SETDB1: variants seen among roughly 807,000 people sequenced by gnomAD.
SETDB1 encodes the protein histone-lysine N-methyltransferase SETDB1.
SETDB1 carries 31 observed loss-of-function variants against 137.4 expected under a neutral mutation model. The observed-to-expected ratio is 0.23, with a 90% CI of 0.17 to 0.30. The LOEUF (loss-of-function observed/expected upper bound fraction) is 0.30. Among genes scored for constraint, SETDB1 ranks in the 10% least tolerant of loss-of-function variants. SETDB1 has a pLI of 1.00. For missense variants in SETDB1, 1,113 were observed against 1,631.5 expected, an observed-to-expected ratio of 0.68 and a Z score of 5.47; for synonymous variants, 548 against 579.9, an observed-to-expected ratio of 0.95 and a Z score of 0.79.
chr1:150,941,640 C>A (rs1028634459), intron 5 of SETDB1, among the ~76,000 whole-genome samples: 1 of 152,118 alleles, frequency 6.6e-6, no homozygotes, highest in Non-Finnish European at 1.5e-5. Flanking sequence ...TGTTTCCATC[C>A]TCATGACTGC....
Position 150,933,045 on chromosome 1 carries a change from T to TTGAATGAA in SETDB1, c.412+2945_412+2952dup, listed in dbSNP as rs57070760. On this transcript the variant is annotated intron_variant, in intron 3 of 21. Transcript: ENST00000692827. Reference sequence around the variant, plus strand: ...TATACTTTGTATAATTTTAGTCTTTTTGAATGAATGAATGAATGAATGAAT... The same window carrying TTGAATGAA: ...TATACTTTGTATAATTTTAGTCTTTTTGAATGAATGAATGAATGAATGAATGAATGAAT... Among the ~76,000 whole-genome samples the TTGAATGAA allele has an allele frequency of 6.7e-4, 102 of 151,182 alleles. No individual in the cohort carries two copies. In the East Asian group the frequency reaches 7.0e-3, roughly 10 times the overall value.
chr1:150,952,028 G>T (rs1025347093), intron 14 of SETDB1, among the ~76,000 whole-genome samples: 7 of 151,942 alleles, frequency 4.6e-5, no homozygotes, highest in African/African-American at 1.7e-4. Flanking sequence ...GGTGCCTGCA[G>T]TCCCAACTAC....
chr1:150,936,712 A>G (rs963954850), intron 3 of SETDB1, among the ~76,000 whole-genome samples: 6 of 152,094 alleles, frequency 3.9e-5, no homozygotes, highest in Non-Finnish European at 7.4e-5. Flanking sequence ...TTTAGACAGT[A>G]TCTCACTCTG....
rs907515467 is a variant in SETDB1 at position 150,926,403 on chromosome 1, C to T, written c.-126C>T. On this transcript the variant is annotated 5_prime_UTR_variant, in exon 1 of 22. Transcript: ENST00000692827. ...CCTTCCCTCTTTCACGCTTCCTCCC[C>T]TCCCCCTCCTCCCTTATCCCTTCGC... 2.8e-5 allele frequency: 6 copies of T among 217,612 alleles called. No individual in the cohort carries two copies. Among genetic ancestry groups the T allele is most frequent in the Non-Finnish European group, 5.6e-5 (6 of 107,510 alleles). The allele number at this position is 217,612 out of a possible 1,614,324, so 13.5% of individuals were successfully genotyped here. A position where few individuals can be genotyped will look rare whatever the true frequency, so the allele number is the denominator to read the frequency against.
chr1:150,932,552 G>T (rs1002059784), intron 3 of SETDB1, among the ~76,000 whole-genome samples: 1 of 152,098 alleles, frequency 6.6e-6, no homozygotes, highest in African/African-American at 2.4e-5. Context: ...TAGTACATAT[G>T]TCAAAACTAA....
chr1:150,949,993 G>A (rs1277360026), intron 12 of SETDB1, among the ~76,000 whole-genome samples: 2 of 152,158 alleles, frequency 1.3e-5, no homozygotes, highest in Non-Finnish European at 2.9e-5. Context: ...CAGCACTTTG[G>A]GAGGCCGAGG....
At chr1:150,931,279 A>G (rs1558010568) in intron 3 of SETDB1, among the ~76,000 whole-genome samples, 1 of 143,294 alleles carries the variant, frequency 7.0e-6, no homozygotes, top group African/African-American at 2.7e-5. Context: ...AAAAAAAAAA[A>G]AAGGGTTTCC....
rs1670931492 is a variant in SETDB1, at chr1:150,964,549, C to T, written c.*185C>T. 2.8e-6 allele frequency: 2 copies of T among 703,660 alleles called. No homozygotes were observed. The highest frequency in any genetic ancestry group is 1.5e-5 in the South Asian group (1 of 67,482). 43.6% of individuals were successfully genotyped at this position (703,660 alleles called of 1,614,324 possible). On this transcript the variant is annotated 3_prime_UTR_variant, in exon 22 of 22. Transcript: ENST00000692827. ...GGTGCTAGCAGGCAGGATCCCTTCT[C>T]CACCTCCAAAGGCCCTAAAGGGTGG...
rs1432247415 is a variant in SETDB1 at position 150,963,723 on chromosome 1, C to T, written c.3654C>T (p.Asn1218=). 6.2e-7 allele frequency: 1 copy of T among 1,614,092 alleles called. No individual in the cohort carries two copies. The highest frequency in any genetic ancestry group is 8.5e-7 in the Non-Finnish European group (1 of 1,179,978). The change falls in exon 20 of 22, where the codon AAC becomes AAT. Residue 1218 remains asparagine (N), a synonymous_variant. Coordinates refer to ENST00000692827, the MANE Select transcript of SETDB1 (RefSeq NM_001366418.1). ...TCATTGATGCCAAGCTTGAAGGCAACCTGGGCCGCTACCTCAACGTGAGAC... is the reference window on the plus strand; with the variant it reads ...TCATTGATGCCAAGCTTGAAGGCAATCTGGGCCGCTACCTCAACGTGAGAC... ...CYIIDAKLEG[N]LGRYLNHSCS...
chr1:150,941,585 G>T (rs1044530246), intron 5 of SETDB1, among the ~76,000 whole-genome samples, 157 bp downstream of exon 5: 2 of 152,204 alleles, frequency 1.3e-5, no homozygotes, highest in African/African-American at 4.8e-5. Context: ...TTTCCAGTCT[G>T]TGATGGTTTT....
intron 14 of SETDB1, among the ~76,000 whole-genome samples, chr1:150,953,555 G>C (rs1171471539): frequency 6.6e-6 from 1 of 151,080 alleles, no homozygotes; most frequent in Non-Finnish European, 1.5e-5. Context: ...TTGGCCATGC[G>C]CGGTGGCTCA....
At chr1:150,934,491 C>T (rs963177566) in intron 3 of SETDB1, among the ~76,000 whole-genome samples, 2 of 151,996 alleles carry the variant, frequency 1.3e-5, no homozygotes, top group African/African-American at 2.4e-5. Context: ...TATATATATA[C>T]ACAGCCACTT....
At chr1:150,933,037 T>G (rs1669812480) in intron 3 of SETDB1, among the ~76,000 whole-genome samples, 1 of 146,686 alleles carries the variant, frequency 6.8e-6, no homozygotes, top group Non-Finnish European at 1.5e-5. Flanking sequence ...TGTATAATTT[T>G]AGTCTTTTTG....
At chr1:150,952,843 C>T (rs1458159625) in intron 14 of SETDB1, among the ~76,000 whole-genome samples, 2 of 152,104 alleles carry the variant, frequency 1.3e-5, no homozygotes, top group African/African-American at 4.8e-5. Context: ...GCTAAGATCG[C>T]ACCATTGCAC....
intron 14 of SETDB1, among the ~76,000 whole-genome samples, chr1:150,955,198 G>T (rs587650654): frequency 6.6e-6 from 1 of 152,116 alleles, no homozygotes; most frequent in African/African-American, 2.4e-5. Context: ...TAACAATAGC[G>T]TTTAGATTTG....
chr1:150,949,605 G>C, intron 12 of SETDB1, 80 bp downstream of exon 12: 1 of 1,284,028 alleles, frequency 7.8e-7, no homozygotes, highest in Non-Finnish European at 1.1e-6. Flanking sequence ...GGCTGTAAGC[G>C]AAGGGCTTAG....
intron 3 of SETDB1, among the ~76,000 whole-genome samples, chr1:150,939,018 A>G (rs35309985): frequency 0.17 from 25,182 of 151,660 alleles, 2,910 homozygotes; most frequent in South Asian, 0.37. Flanking sequence ...GGCTTACTGC[A>G]ACCCTTGCCT....
At position 150,927,828 on chromosome 1, in the gene SETDB1, G is replaced by A. The variant is rs150311381; in HGVS notation, c.114G>A (p.Glu38=). Reference sequence around the variant, plus strand: ...TTGAGGAACTGGGTATCTCTATGGAGGAACTTCGGCATTTCATCGATGAGG... The same window carrying A: ...TTGAGGAACTGGGTATCTCTATGGAAGAACTTCGGCATTTCATCGATGAGG... ...AVVEELGISM[E]ELRHFIDEEL... The change falls in exon 2 of 22, where the codon GAG becomes GAA. Residue 38 remains glutamate (E), a synonymous_variant. Transcript: ENST00000692827. 375 of 1,614,160 alleles carry A rather than the reference G, an allele frequency of 2.3e-4. No homozygotes were observed. Among genetic ancestry groups the A allele is most frequent in the Non-Finnish European group, 2.9e-4 (346 of 1,180,040 alleles).
intron 7 of SETDB1, among the ~76,000 whole-genome samples, chr1:150,943,527 T>A (rs1670226754): frequency 6.6e-6 from 1 of 152,062 alleles, no homozygotes; most frequent in African/African-American, 2.4e-5. Context: ...AATACAAAAA[T>A]TAGCTGGGTG....
Sources: allele counts gnomAD v4.1 joint callset (sites outside exome capture counted in the v4.1 genomes callset), GRCh38; gene constraint gnomAD v4.1.1; transcripts MANE v1.5; gene names NCBI Gene and HGNC (gene_info 2026-07-23, HGNC 2026-07-21).